The following PDE7B variants were observed in gnomAD, a reference collection of about 807,000 sequenced individuals.
The protein encoded by PDE7B is phosphodiesterase 7B, also known as 3',5'-cyclic-AMP phosphodiesterase 7B.
A neutral mutation model predicts 56.2 loss-of-function variants in PDE7B; 29 were observed. That is an observed-to-expected ratio of 0.52 (90% CI 0.38 to 0.70). The LOEUF (loss-of-function observed/expected upper bound fraction) is 0.70. PDE7B is among the 30% of genes least tolerant of loss of function. The pLI, the probability that PDE7B is intolerant of heterozygous loss-of-function variation, is 0.00. For synonymous variants in PDE7B, 197 were observed against 196.9 expected (o/e 1.00, Z 0.00); for missense variants, 490 against 565.0 (o/e 0.87, Z 1.35).
chr6:135,916,874 A>T (rs1418345264), intron 1 of PDE7B, among the ~76,000 whole-genome samples: 2 of 151,886 alleles, frequency 1.3e-5, no homozygotes, highest in Non-Finnish European at 2.9e-5. Flanking sequence ...TATATTTTTA[A>T]TATAATTTAT....
intron 2 of PDE7B, among the ~76,000 whole-genome samples, chr6:136,004,846 A>C (rs567083248): frequency 5.9e-5 from 9 of 152,184 alleles, no homozygotes; most frequent in African/African-American, 2.2e-4. Flanking sequence ...AGAATTAGAA[A>C]AAACTACTTT....
At chr6:135,968,499 C>T (rs1399812627) in intron 2 of PDE7B, among the ~76,000 whole-genome samples, 1 of 152,150 alleles carries the variant, frequency 6.6e-6, no homozygotes, top group Admixed American at 6.6e-5. Context: ...TGAACAGACA[C>T]TTCTCAAAAG....
chr6:136,172,734 C>T lies in PDE7B; in HGVS notation c.712-1063C>T, dbSNP rs1778910990. On this transcript the variant is annotated intron_variant, in intron 8 of 12. Transcript: ENST00000308191. ...CATGCCTATGTCCTGAATGGTATTG[C>T]CTAGGTTTTCTTCTAGGGTTTTTAT... Among the ~76,000 whole-genome samples, 13 of 152,062 alleles carry T rather than the reference C, an allele frequency of 8.5e-5. No homozygotes were observed. The South Asian group carries it at 2.7e-3, about 32-fold the overall frequency.
chr6:136,083,571 C>T (rs138685470), intron 2 of PDE7B, among the ~76,000 whole-genome samples: 365 of 152,266 alleles, frequency 2.4e-3, no homozygotes, highest in African/African-American at 8.1e-3. Context: ...GTGATACTGA[C>T]CTGGGGATAC....
In PDE7B at chr6:136,000,556, A is replaced by C. The variant is rs796500641; in HGVS notation, c.82+53032A>C. 3.7e-4 allele frequency among the ~76,000 whole-genome samples: 57 copies of C among 152,272 alleles called. 1 individual carries two copies. Among genetic ancestry groups the C allele is most frequent in the African/African-American group, 1.3e-3 (56 of 41,564 alleles). ...TCAGATGGTTGAAGATCAGATGGCT[A>C]AAGGTGTATGGCCTTATTTCTGGGC... On this transcript the variant is annotated intron_variant, in intron 2 of 12. Transcript: ENST00000308191.
At chr6:136,035,050 A>T (rs1776303984) in intron 2 of PDE7B, 1 of 152,204 alleles carries the variant, frequency 6.6e-6, no homozygotes, top group South Asian at 2.1e-4. Context: ...GGTTATTTTG[A>T]AAATCTATCT....
intron 8 of PDE7B, among the ~76,000 whole-genome samples, chr6:136,158,469 G>C (rs1778648485): frequency 6.6e-6 from 1 of 152,194 alleles, no homozygotes; most frequent in African/African-American, 2.4e-5. Flanking sequence ...GCGTGACTTT[G>C]CCACAATCCA....
chr6:135,872,272 A>G (rs1212815949), intron 1 of PDE7B, among the ~76,000 whole-genome samples: 3 of 152,198 alleles, frequency 2.0e-5, no homozygotes, highest in Non-Finnish European at 4.4e-5. Context: ...TTCTCACAGC[A>G]TCATTCAGTG....
chr6:135,938,511 G>A (rs1263194516), intron 1 of PDE7B, among the ~76,000 whole-genome samples: 3 of 152,122 alleles, frequency 2.0e-5, no homozygotes, highest in Non-Finnish European at 4.4e-5. Context: ...CCTATAACTG[G>A]GTGCACCAGA....
chr6:135,880,394 T>G (rs1191144151), intron 1 of PDE7B, among the ~76,000 whole-genome samples: 1 of 152,104 alleles, frequency 6.6e-6, no homozygotes, highest in Admixed American at 6.6e-5. Flanking sequence ...AAGCCAAACA[T>G]CATATGTTTA....
At chr6:135,852,123 T>G in intron 1 of PDE7B, 104 bp downstream of exon 1, 1 of 824,664 alleles carries the variant, frequency 1.2e-6, no homozygotes, top group Non-Finnish European at 2.1e-6. Flanking sequence ...CATATATATG[T>G]TTTTTGTCTG....
chr6:136,106,520 A>G (rs528300369), intron 2 of PDE7B, among the ~76,000 whole-genome samples: 1 of 152,334 alleles, frequency 6.6e-6, no homozygotes, highest in South Asian at 2.1e-4. Context: ...AAACTTAGGC[A>G]GCTCAATTAA....
chr6:135,959,658 A>G (rs1774862561), intron 2 of PDE7B, among the ~76,000 whole-genome samples: 3 of 152,112 alleles, frequency 2.0e-5, no homozygotes, highest in South Asian at 2.1e-4. Flanking sequence ...TGTTTACAAG[A>G]TGGTTGACTA....
At chr6:135,911,523 C>G (rs1024461055) in intron 1 of PDE7B, among the ~76,000 whole-genome samples, 1 of 152,178 alleles carries the variant, frequency 6.6e-6, no homozygotes, top group South Asian at 2.1e-4. Flanking sequence ...ACTTTAGATG[C>G]AAATCCTTGA....
intron 8 of PDE7B, chr6:136,156,173 G>A (rs901354952): frequency 3.1e-6 from 1 of 319,808 alleles, no homozygotes; most frequent in Admixed American, 4.2e-5. Flanking sequence ...GTGTGTGTGT[G>A]TGTGTGTGTG....
At chr6:135,923,360 T>C (rs1463926390) in intron 1 of PDE7B, among the ~76,000 whole-genome samples, 2 of 152,116 alleles carry the variant, frequency 1.3e-5, no homozygotes, top group African/African-American at 4.8e-5. Context: ...ATAACTAAAA[T>C]TAATCTGTAA....
At chr6:135,980,286 C>T (rs1390153435) in intron 2 of PDE7B, among the ~76,000 whole-genome samples, 7 of 152,152 alleles carry the variant, frequency 4.6e-5, no homozygotes, top group East Asian at 1.9e-4. Flanking sequence ...ATACAAAAAT[C>T]AATTCAAGAT....
At chr6:135,956,614 A>G (rs1237344728) in intron 2 of PDE7B, among the ~76,000 whole-genome samples, 2 of 152,048 alleles carry the variant, frequency 1.3e-5, no homozygotes, top group Non-Finnish European at 2.9e-5. Flanking sequence ...CTCCATCTCT[A>G]CAAAAAATAC....
chr6:136,109,763 A>G (rs1441781754), intron 3 of PDE7B, among the ~76,000 whole-genome samples: 1 of 152,110 alleles, frequency 6.6e-6, no homozygotes, highest in Non-Finnish European at 1.5e-5. Flanking sequence ...ATCCCTCCAG[A>G]TTTCATGCCT....
Sources: gnomAD v4.1 joint callset for allele counts (sites outside exome capture counted in the v4.1 genomes callset) on GRCh38, gnomAD v4.1.1 for gene constraint, MANE v1.5 for transcripts, NCBI Gene and HGNC (gene_info 2026-07-23, HGNC 2026-07-21) for gene names.